The following YES1 variants were observed in gnomAD, a reference collection of about 807,000 sequenced individuals.
The protein encoded by YES1 is YES proto-oncogene 1, Src family tyrosine kinase, also known as tyrosine-protein kinase Yes.
Under a neutral mutation model 70.4 loss-of-function variants are expected in YES1, and 39 were observed. The ratio of observed to expected loss-of-function variants is 0.55; its 90% CI spans 0.43 to 0.72. YES1 has a LOEUF of 0.72. Ranked by LOEUF, YES1 falls within the 30% of genes least tolerant of loss-of-function variation. The pLI is 0.00. For missense variants in YES1, 495 were observed against 644.8 expected, an observed-to-expected ratio of 0.77 and a Z score of 2.52; for synonymous variants, 198 against 218.6, an observed-to-expected ratio of 0.91 and a Z score of 0.83.
At chr18:808,452 A>G (rs770212667) in intron 1 of YES1, among the ~76,000 whole-genome samples, 2 of 152,220 alleles carry the variant, frequency 1.3e-5, no homozygotes, top group African/African-American at 2.4e-5. Flanking sequence ...AACTACCAAT[A>G]AGACAAGACA....
intron 1 of YES1, chr18:787,902 C>T: frequency 6.6e-6 from 1 of 152,082 alleles, no homozygotes; most frequent in Non-Finnish European, 1.5e-5. Context: ...GTTATCTGCA[C>T]CTGTTTTTAA....
chr18:781,962 T>C (rs957453749), intron 1 of YES1, among the ~76,000 whole-genome samples: 1 of 152,198 alleles, frequency 6.6e-6, no homozygotes, highest in Non-Finnish European at 1.5e-5. Flanking sequence ...GAGTGCCTCA[T>C]GGAATTCAGG....
chr18:770,166 G>A (rs1905088013), intron 1 of YES1, among the ~76,000 whole-genome samples: 1 of 151,864 alleles, frequency 6.6e-6, no homozygotes, highest in Non-Finnish European at 1.5e-5. Flanking sequence ...CACCATGTTA[G>A]CCAGGATTGT....
At chr18:812,252 G>A (rs1311983815), upstream of YES1, 4 of 151,778 alleles carry the variant, frequency 2.6e-5, 1 homozygote, top group Middle Eastern at 0.01. Flanking sequence ...CGGCAGAGCC[G>A]GCCCGGGACG....
At chr18:798,720 T>C (rs1906667371) in intron 1 of YES1, among the ~76,000 whole-genome samples, 1 of 152,188 alleles carries the variant, frequency 6.6e-6, no homozygotes, top group Admixed American at 6.5e-5. Flanking sequence ...TAACCTTTCA[T>C]ATAAGAAGTC....
intron 11 of YES1, among the ~76,000 whole-genome samples, chr18:726,085 G>A (rs562132250): frequency 6.6e-5 from 10 of 152,118 alleles, no homozygotes; most frequent in African/African-American, 1.7e-4. Context: ...CAAATAAGCC[G>A]GAACCTATGA....
At chr18:752,993 A>G (rs1337536167) in intron 2 of YES1, among the ~76,000 whole-genome samples, 2 of 152,204 alleles carry the variant, frequency 1.3e-5, no homozygotes, top group Non-Finnish European at 2.9e-5. Flanking sequence ...TATAAAGTAT[A>G]AATTCAAAAA....
At chr18:768,092 G>A (rs748892826) in intron 1 of YES1, among the ~76,000 whole-genome samples, 1 of 152,144 alleles carries the variant, frequency 6.6e-6, no homozygotes, top group Non-Finnish European at 1.5e-5. Context: ...GGACCATATG[G>A]TGTCTGTAAC....
chr18:765,693 C>T (rs758971721), intron 1 of YES1, among the ~76,000 whole-genome samples: 2 of 152,090 alleles, frequency 1.3e-5, no homozygotes, highest in Non-Finnish European at 2.9e-5. Context: ...CCACCGCACC[C>T]GGCCAATTTA....
In YES1 at chr18:745,800, T is replaced by G; in HGVS notation, c.632A>C (p.His211Pro). ...ATTGTCAAGTTTCCTAATTTTGTAG[T>G]GTTTCACATTGTCACCCCTTATCTC... The part of the protein sequence containing the change: ...WDEIRGDNVK[H>P]YKIRKLDNGG... The change falls in exon 6 of 12, where the codon CAC (histidine) becomes CCC (proline). Residue 211 changes from histidine to proline, a missense_variant. This residue lies in a region of YES1 where 385 missense variants were observed against 540.9 expected (regional missense o/e 0.71). Coordinates refer to ENST00000314574, the MANE Select transcript of YES1 (RefSeq NM_005433.4). 1 of 1,613,136 alleles carries G rather than the reference T, an allele frequency of 6.2e-7. No homozygotes were observed. Among genetic ancestry groups the G allele is most frequent in the Non-Finnish European group, 8.5e-7 (1 of 1,179,826 alleles).
At chr18:807,162 T>C (rs2846832) in intron 1 of YES1, among the ~76,000 whole-genome samples, 1 of 152,034 alleles carries the variant, frequency 6.6e-6, no homozygotes, top group East Asian at 1.9e-4. Flanking sequence ...GGTGAAACCC[T>C]GTCTCTACTA....
intron 1 of YES1, among the ~76,000 whole-genome samples, chr18:757,343 A>G (rs1473599063): frequency 3.3e-5 from 5 of 151,950 alleles, no homozygotes; most frequent in South Asian, 4.1e-4. Context: ...CTCTACTAAA[A>G]ATGCAAAAAA....
rs975768143 is a variant in YES1, at chr18:775,028, C to T, written c.-8-18193G>A. On this transcript the variant is annotated intron_variant, in intron 1 of 11. Transcript: ENST00000314574. Reference sequence around the variant, plus strand: ...AGCATAGAGGTCAGAGACAGAGTGTCTGGGTGCAAAGTCTGAGTCCGTCAC... The same window carrying T: ...AGCATAGAGGTCAGAGACAGAGTGTTTGGGTGCAAAGTCTGAGTCCGTCAC... 2.0e-5 allele frequency: 3 copies of T among 152,220 alleles called. No individual in the cohort carries two copies. In the South Asian group the frequency reaches 6.2e-4, roughly 32 times the overall value. 9.4% of individuals were successfully genotyped at this position (152,220 alleles called of 1,614,324 possible).
intron 1 of YES1, among the ~76,000 whole-genome samples, chr18:780,736 C>A (rs988576450): frequency 5.9e-5 from 9 of 152,170 alleles, no homozygotes; most frequent in Admixed American, 5.9e-4. Context: ...CTTACTTGTT[C>A]TATAGGGTTG....
At position 796,925 on chromosome 18, in the gene YES1, T is replaced by A. The variant is rs189332545; in HGVS notation, c.-9+15189A>T. Among the ~76,000 whole-genome samples the A allele has an allele frequency of 6.6e-5, 10 of 151,974 alleles. No homozygotes were observed. In the East Asian group the frequency reaches 1.9e-3, roughly 29 times the overall value. On this transcript the variant is annotated intron_variant, in intron 1 of 11. Coordinates refer to ENST00000314574, the MANE Select transcript of YES1 (RefSeq NM_005433.4). ...GGTATATCATCTGAGGAAAAAAAAA[T>A]TACCTCACAACATACATAAAATCCA...
chr18:726,597 T>C (rs937673802), intron 11 of YES1, among the ~76,000 whole-genome samples: 2 of 151,494 alleles, frequency 1.3e-5, no homozygotes, highest in Non-Finnish European at 2.9e-5. Context: ...CTGGCCAACA[T>C]GGCGAAACCC....
intron 1 of YES1, among the ~76,000 whole-genome samples, chr18:809,583 G>C (rs760104975): frequency 5.9e-5 from 9 of 152,146 alleles, no homozygotes; most frequent in Non-Finnish European, 1.2e-4. Flanking sequence ...TTACAGGTGT[G>C]AGCCACCGTG....
At chr18:737,610 T>C (rs896819316) in intron 9 of YES1, among the ~76,000 whole-genome samples, 4 of 152,334 alleles carry the variant, frequency 2.6e-5, no homozygotes, top group African/African-American at 9.6e-5. Flanking sequence ...TAAGATGACA[T>C]GGTGATAAAG....
At chr18:744,374 G>A (rs1408934959) in intron 6 of YES1, among the ~76,000 whole-genome samples, 1 of 148,320 alleles carries the variant, frequency 6.7e-6, no homozygotes, top group Non-Finnish European at 1.5e-5. Context: ...GTTCATTTAG[G>A]ATCATTTAGG....
Sources: allele counts gnomAD v4.1 joint callset (sites outside exome capture counted in the v4.1 genomes callset), GRCh38; gene constraint gnomAD v4.1.1; regional missense constraint gnomAD v4.1.1; transcripts MANE v1.5; gene names NCBI Gene and HGNC (gene_info 2026-07-23, HGNC 2026-07-21).